The following EXOC6B variants were observed in gnomAD, a reference collection of about 807,000 sequenced individuals.
EXOC6B encodes the protein exocyst complex component 6B.
EXOC6B carries 54 observed loss-of-function variants against 113.5 expected under a neutral mutation model. The ratio of observed to expected loss-of-function variants is 0.48; its 90% CI spans 0.38 to 0.60. The LOEUF is 0.60. Ranked by LOEUF, EXOC6B falls within the 20% of genes least tolerant of loss-of-function variation. EXOC6B has a pLI of 0.00. For synonymous variants in EXOC6B, 357 were observed against 339.0 expected (o/e 1.05, Z -0.58); for missense variants, 797 against 977.5 (o/e 0.82, Z 2.46).
chr2:72,192,866 T>C (rs1295090659), intron 20 of EXOC6B, among the ~76,000 whole-genome samples: 2 of 152,330 alleles, frequency 1.3e-5, no homozygotes, highest in South Asian at 2.1e-4. Flanking sequence ...GAATTCTTCA[T>C]GTTAAACAGG....
rs201352694 is a variant in EXOC6B at position 72,492,432 on chromosome 2, G to A, written c.1554-3C>T. On this transcript the variant is annotated splice_polypyrimidine_tract_variant and splice_region_variant and intron_variant, in intron 15 of 21. Transcript: ENST00000272427. Reference sequence around the variant, plus strand: ...TCATGTCATCAACTTCAGTTGAGCTGAAAAAGAAGCATTAAGAGTCAGTCA... The same window carrying A: ...TCATGTCATCAACTTCAGTTGAGCTAAAAAAGAAGCATTAAGAGTCAGTCA... 5.0e-6 allele frequency: 8 copies of A among 1,598,948 alleles called. No homozygotes were observed. The East Asian group carries it at 1.1e-4, about 22-fold the overall frequency.
Position 72,416,284 on chromosome 2 carries a change from C to T in EXOC6B, c.1981-36414G>A, listed in dbSNP as rs535549025. Among the ~76,000 whole-genome samples, 11 of 152,260 alleles carry T rather than the reference C, an allele frequency of 7.2e-5. No homozygotes were observed. The South Asian group carries it at 1.5e-3, about 20-fold the overall frequency. ...AATAATTGGGGAAAATAATAATGCT[C>T]CTCAGAGGAGATAACCCTAACTCCT... is the stretch of plus-strand genomic sequence containing the variant. On this transcript the variant is annotated intron_variant, in intron 18 of 21. Transcript: ENST00000272427.
intron 8 of EXOC6B, among the ~76,000 whole-genome samples, chr2:72,518,246 C>A (rs1017715486): frequency 6.6e-6 from 1 of 152,066 alleles, no homozygotes; most frequent in African/African-American, 2.4e-5. Context: ...AATAAGCAGG[C>A]AAGTAAAACT....
chr2:72,712,183 C>T (rs1469197832), intron 6 of EXOC6B, among the ~76,000 whole-genome samples: 5 of 152,126 alleles, frequency 3.3e-5, no homozygotes, highest in Non-Finnish European at 5.9e-5. Flanking sequence ...ACAATTGTTT[C>T]CTAGATCCAA....
intron 20 of EXOC6B, among the ~76,000 whole-genome samples, chr2:72,302,694 C>G (rs1424277208): frequency 6.6e-6 from 1 of 152,094 alleles, no homozygotes; most frequent in African/African-American, 2.4e-5. Flanking sequence ...TTGCCTCCAT[C>G]CTTTTATTTT....
chr2:72,486,781 C>G lies in EXOC6B; in HGVS notation c.1665+5537G>C, dbSNP rs569126975. Among the ~76,000 whole-genome samples the G allele has an allele frequency of 7.9e-5, 12 of 152,118 alleles. No homozygotes were observed. In the South Asian group the frequency reaches 2.1e-3, roughly 26 times the overall value. On this transcript the variant is annotated intron_variant, in intron 16 of 21. Transcript: ENST00000272427. ...AGGACATTGCATCAGAGATTTCTCCCTTTCTGCTACATCACCCATTTTTCT... is the reference window on the plus strand; with the variant it reads ...AGGACATTGCATCAGAGATTTCTCCGTTTCTGCTACATCACCCATTTTTCT...
intron 6 of EXOC6B, among the ~76,000 whole-genome samples, chr2:72,689,269 G>A (rs1207441953): frequency 6.6e-6 from 1 of 152,106 alleles, no homozygotes; most frequent in Non-Finnish European, 1.5e-5. Context: ...CCATTAACCA[G>A]AGCATCCTTT....
intron 20 of EXOC6B, among the ~76,000 whole-genome samples, chr2:72,266,300 T>G (rs1438996563): frequency 1.3e-5 from 2 of 149,946 alleles, no homozygotes; most frequent in Admixed American, 1.3e-4. Flanking sequence ...TGCCATTGCT[T>G]TTGGTGTTTT....
intron 18 of EXOC6B, among the ~76,000 whole-genome samples, chr2:72,449,133 A>G (rs1558677463): frequency 6.6e-6 from 1 of 152,116 alleles, no homozygotes; most frequent in Non-Finnish European, 1.5e-5. Context: ...TAAGCACTCT[A>G]CTTTTGAAGT....
At chr2:72,295,702 T>A (rs906076596) in intron 20 of EXOC6B, among the ~76,000 whole-genome samples, 1 of 152,140 alleles carries the variant, frequency 6.6e-6, no homozygotes, top group African/African-American at 2.4e-5. Context: ...TGCTGTATGA[T>A]TGAAGGTTTG....
chr2:72,296,899 C>A (rs1686171037), intron 20 of EXOC6B, among the ~76,000 whole-genome samples: 1 of 152,180 alleles, frequency 6.6e-6, no homozygotes, highest in African/African-American at 2.4e-5. Flanking sequence ...GAGGCTAAAC[C>A]TGCAGAAGGA....
chr2:72,422,633 G>A (rs1259369760), intron 18 of EXOC6B, among the ~76,000 whole-genome samples: 3 of 152,076 alleles, frequency 2.0e-5, no homozygotes, highest in African/African-American at 7.2e-5. Context: ...TGCACCAATC[G>A]ACACTCTGTA....
intron 16 of EXOC6B, among the ~76,000 whole-genome samples, chr2:72,484,588 A>T (rs1324302457): frequency 6.7e-6 from 1 of 149,732 alleles, no homozygotes; most frequent in East Asian, 2.0e-4. Context: ...AAAAAAAAAA[A>T]TTCCCTCCCC....
At chr2:72,680,465 C>A (rs1676619356) in intron 6 of EXOC6B, among the ~76,000 whole-genome samples, 1 of 152,194 alleles carries the variant, frequency 6.6e-6, no homozygotes, top group Non-Finnish European at 1.5e-5. Context: ...TCTGGCCTGG[C>A]TCAGTGGCTC....
intron 20 of EXOC6B, among the ~76,000 whole-genome samples, chr2:72,236,656 G>C (rs1207278686): frequency 6.6e-6 from 1 of 152,112 alleles, no homozygotes; most frequent in East Asian, 1.9e-4. Context: ...CAGGCAAAGT[G>C]GCTGAAATTT....
At chr2:72,438,115 A>G (rs545796620) in intron 18 of EXOC6B, among the ~76,000 whole-genome samples, 24 of 152,186 alleles carry the variant, frequency 1.6e-4, no homozygotes, top group Non-Finnish European at 2.9e-4. Flanking sequence ...CTAGGAGCTC[A>G]TGTTATTCTA....
At chr2:72,567,472 T>C (rs1028624132) in intron 7 of EXOC6B, among the ~76,000 whole-genome samples, 2 of 152,066 alleles carry the variant, frequency 1.3e-5, no homozygotes, top group African/African-American at 2.4e-5. Flanking sequence ...CTACATTAGA[T>C]TGGAATTAGA....
rs371443274 is a variant in EXOC6B at position 72,718,172 on chromosome 2, G to A, written c.600C>T (p.Ser200=). ...TGCTCTCCAGAAAGTCTTTGAGATC[G>A]GACATAGAAACATCTTTTATTTCTT... ...LREEIKDVSM[S]DLKDFLESIR... The change falls in exon 6 of 22, where the codon TCC becomes TCT. Residue 200 remains serine (S), a synonymous_variant. Transcript: ENST00000272427. 5.1e-5 allele frequency: 82 copies of A among 1,613,570 alleles called. No homozygotes were observed. The highest frequency in any genetic ancestry group is 3.5e-5 in the Non-Finnish European group (41 of 1,179,760).
chr2:72,353,377 G>T (rs1474294349), intron 19 of EXOC6B, among the ~76,000 whole-genome samples: 1 of 151,768 alleles, frequency 6.6e-6, no homozygotes, highest in African/African-American at 2.4e-5. Context: ...GTATTGTATT[G>T]TATCGTATTT....
Sources: allele counts gnomAD v4.1 joint callset (sites outside exome capture counted in the v4.1 genomes callset), GRCh38; gene constraint gnomAD v4.1.1; transcripts MANE v1.5; gene names NCBI Gene and HGNC (gene_info 2026-07-23, HGNC 2026-07-21).